Variants in RGL3 observed in about 807,000 individuals in gnomAD.
The protein encoded by RGL3 is ral guanine nucleotide dissociation stimulator like 3.
RGL3 carries 85 observed loss-of-function variants against 90.6 expected under a neutral mutation model. That is an observed-to-expected ratio of 0.94 (90% CI 0.79 to 1.12). RGL3 has a LOEUF of 1.12. RGL3 is among the 50% of genes most tolerant of loss of function. The pLI is 0.00. For synonymous variants in RGL3, 408 were observed against 385.5 expected (o/e 1.06, Z -0.68); for missense variants, 1,034 against 939.2 (o/e 1.10, Z -1.32).
In RGL3 at chr19:11,394,276, C is replaced by G; in HGVS notation, c.*126G>C. Reference sequence around the variant, plus strand: ...AGAAAAAGAGATGGGGTCCAATGGGCTACAGTTGGGTGGTGGTCCTGGGAT... The same window carrying G: ...AGAAAAAGAGATGGGGTCCAATGGGGTACAGTTGGGTGGTGGTCCTGGGAT... On this transcript the variant is annotated 3_prime_UTR_variant, in exon 19 of 19. Transcript: ENST00000380456. The G allele has an allele frequency of 6.7e-6, 5 of 745,304 alleles. No individual in the cohort carries two copies. The highest frequency in any genetic ancestry group is 1.2e-5 in the Non-Finnish European group (5 of 410,714). The allele number at this position is 745,304 out of a possible 1,614,324, so 46.2% of individuals were successfully genotyped here.
In RGL3 at chr19:11,415,999, A is replaced by G; in HGVS notation, c.575T>C (p.Leu192Pro). The G allele has an allele frequency of 2.5e-6, 4 of 1,613,990 alleles. No individual in the cohort carries two copies. The highest frequency in any genetic ancestry group is 2.5e-6 in the Non-Finnish European group (3 of 1,179,994). The change falls in exon 5 of 19, where the codon CTG (leucine) becomes CCG (proline). Residue 192 changes from leucine to proline, a missense_variant. Coordinates refer to ENST00000380456, the MANE Select transcript of RGL3 (RefSeq NM_001035223.4). Reference sequence around the variant, plus strand: ...CTCAGCCTCCTCCAAAAAATCTTCCAGAAGCTTCTCTGCTTTTTGAGCCTC... The same window carrying G: ...CTCAGCCTCCTCCAAAAAATCTTCCGGAAGCTTCTCTGCTTTTTGAGCCTC... ...SAEAQKAEKL[L>P]EDFLEEAERE...
Position 11,394,417 on chromosome 19 carries a change from A to C in RGL3, c.2118T>G (p.Ser706=). Reference sequence around the variant, plus strand: ...CAGGGCTGCCTCAGCTTGGGGAGACAGACAGAGTGTTCCGGGTCCCCTCTT... The same window carrying C: ...CAGGGCTGCCTCAGCTTGGGGAGACCGACAGAGTGTTCCGGGTCCCCTCTT... The part of the protein sequence containing the change: ...RRKEGTRNTL[S]VSPS The change falls in exon 19 of 19, where the codon TCT becomes TCG. Residue 706 remains serine, a synonymous_variant. Transcript: ENST00000380456. 6.2e-7 allele frequency: 1 copy of C among 1,613,706 alleles called. No homozygotes were observed. Among genetic ancestry groups the C allele is most frequent in the Non-Finnish European group, 8.5e-7 (1 of 1,179,700 alleles).
Position 11,394,430 on chromosome 19 carries a change from C to T in RGL3, c.2105G>A (p.Arg702Gln), listed in dbSNP as rs142089258. 7.2e-5 allele frequency: 116 copies of T among 1,613,652 alleles called. No homozygotes were observed. Among genetic ancestry groups the T allele is most frequent in the Non-Finnish European group, 9.4e-5 (111 of 1,179,894 alleles). Residue 702 changes from arginine to glutamine, a missense_variant, in exon 19 of 19, where the codon CGG (arginine) becomes CAG (glutamine). Transcript: ENST00000380456. ...GCTTGGGGAGACAGACAGAGTGTTC[C>T]GGGTCCCCTCTTTCCGCCGCAGCAT... ...DFMLRRKEGT[R>Q]NTLSVSPS
intron 5 of RGL3, among the ~76,000 whole-genome samples, chr19:11,414,159 A>ATATACC (rs1555720095): frequency 1.8e-5 from 2 of 112,682 alleles, no homozygotes; most frequent in African/African-American, 7.4e-5. Context: ...ATATATATAT[A>ATATACC]TATATATATA....
chr19:11,414,174 T>C (rs1470933638), intron 5 of RGL3, among the ~76,000 whole-genome samples: 132 of 85,232 alleles, frequency 1.5e-3, no homozygotes, highest in Non-Finnish European at 2.5e-3. Flanking sequence ...TATATATATA[T>C]ATACACCTAT....
chr19:11,404,756 C>A (rs575352886), intron 9 of RGL3, among the ~76,000 whole-genome samples: 8 of 152,090 alleles, frequency 5.3e-5, no homozygotes, highest in Non-Finnish European at 4.4e-5. Context: ...TAAAAACCAG[C>A]GCCTGATTGC....
chr19:11,405,658 G>A (rs767707240), intron 7 of RGL3, among the ~76,000 whole-genome samples: 28 of 149,592 alleles, frequency 1.9e-4, no homozygotes, highest in Non-Finnish European at 3.4e-4. Context: ...CAGTAGCTGG[G>A]ACTACAGGCG....
chr19:11,406,729 A>G lies in RGL3; in HGVS notation c.773T>C (p.Ile258Thr), dbSNP rs202042985. 416 of 1,613,858 alleles carry G rather than the reference A, an allele frequency of 2.6e-4. 6 individuals carry two copies. In the South Asian group the frequency reaches 3.6e-3, roughly 14 times the overall value. Residue 258 changes from isoleucine to threonine, a missense_variant, in exon 6 of 19, where the codon ATA (isoleucine) becomes ACA (threonine). Transcript: ENST00000380456. Reference sequence around the variant, plus strand: ...CCTGTCCGGGATCCTCACCAAGTCTATGAGGGTCAGCTGCTCGGCCACCTC... The same window carrying G: ...CCTGTCCGGGATCCTCACCAAGTCTGTGAGGGTCAGCTGCTCGGCCACCTC... The part of the protein sequence containing the change: ...VDEVAEQLTL[I>T]DLELFSKVRL...
intron 13 of RGL3, 32 bp downstream of exon 13, chr19:11,401,979 G>T: frequency 6.6e-7 from 1 of 1,511,268 alleles, no homozygotes; most frequent in Non-Finnish European, 8.8e-7. Context: ...GCTCAGCTGG[G>T]GTGGGGCTGG....
chr19:11,415,037 G>A (rs1186650851), intron 5 of RGL3, among the ~76,000 whole-genome samples: 1 of 151,928 alleles, frequency 6.6e-6, no homozygotes, highest in Non-Finnish European at 1.5e-5. Flanking sequence ...GGCTGAGACA[G>A]GAGAATGGCT....
rs1361587086 is a variant in RGL3 at position 11,400,450 on chromosome 19, G to A, written c.1485-153C>T. Among the ~76,000 whole-genome samples, 3 of 152,210 alleles carry A rather than the reference G, an allele frequency of 2.0e-5. No individual in the cohort carries two copies. The East Asian group carries it at 5.8e-4, about 29-fold the overall frequency. ...TGCCAGGGTCAGGGTGGTAAATGAG[G>A]GTCATTGAGCATCAAGGTCTTATCA... On this transcript the variant is annotated intron_variant, in intron 13 of 18. Transcript: ENST00000380456.
At chr19:11,407,086 A>G in intron 5 of RGL3, 2 of 466,944 alleles carry the variant, frequency 4.3e-6, no homozygotes, top group Non-Finnish European at 3.8e-6. Flanking sequence ...CCTGGGTTCA[A>G]GTGATTCTCC....
chr19:11,401,226 A>ATTT (rs1051265868), intron 13 of RGL3, among the ~76,000 whole-genome samples: 1 of 130,702 alleles, frequency 7.7e-6, no homozygotes, highest in South Asian at 2.4e-4. Flanking sequence ...AATTGTGACT[A>ATTT]TTTTTTTTTT....
intron 5 of RGL3, chr19:11,411,588 C>G (rs939308805): frequency 6.6e-6 from 1 of 152,154 alleles, no homozygotes; most frequent in Non-Finnish European, 1.5e-5. Flanking sequence ...GGTTCAGGCA[C>G]AAACAGGGGA....
chr19:11,407,276 A>G (rs1018708125), intron 5 of RGL3, among the ~76,000 whole-genome samples: 1 of 151,982 alleles, frequency 6.6e-6, no homozygotes, highest in Non-Finnish European at 1.5e-5. Context: ...GTGAGCCACC[A>G]CGCCTGGCCC....
At chr19:11,409,680 G>C (rs1396935271) in intron 5 of RGL3, among the ~76,000 whole-genome samples, 22 of 152,278 alleles carry the variant, frequency 1.4e-4, no homozygotes. Context: ...TTTGGAAAAT[G>C]ATGTCCCCAG....
chr19:11,405,310 C>T lies in RGL3; in HGVS notation c.1100+13G>A, dbSNP rs375906550. The T allele has an allele frequency of 1.8e-4, 292 of 1,612,270 alleles. No homozygotes were observed. The highest frequency in any genetic ancestry group is 2.4e-4 in the Non-Finnish European group (278 of 1,178,732). Reference sequence around the variant, plus strand: ...CTGGGATGGGCTGGGGAACAGGTCCCGCCCCAGCTCACCGGCTCACTGCCC... The same window carrying T: ...CTGGGATGGGCTGGGGAACAGGTCCTGCCCCAGCTCACCGGCTCACTGCCC... On this transcript the variant is annotated intron_variant, in intron 8 of 18. Transcript: ENST00000380456.
chr19:11,414,174 TATAC>T (rs1158119172), intron 5 of RGL3, among the ~76,000 whole-genome samples: 11 of 85,252 alleles, frequency 1.3e-4, no homozygotes, highest in South Asian at 7.9e-4. Context: ...TATATATATA[TATAC>T]ACCTATATAT....
At chr19:11,418,866 G>T (rs992121771) in intron 1 of RGL3, 82 bp from the exon 2 acceptor site, 2 of 1,129,268 alleles carry the variant, frequency 1.8e-6, no homozygotes, top group Non-Finnish European at 2.5e-6. Flanking sequence ...GACTCGGGCC[G>T]AGTCCTCCTG....
Sources: allele counts gnomAD v4.1 joint callset (sites outside exome capture counted in the v4.1 genomes callset), GRCh38; gene constraint gnomAD v4.1.1; transcripts MANE v1.5; gene names NCBI Gene and HGNC (gene_info 2026-07-23, HGNC 2026-07-21).